The following ANKH variants were observed in gnomAD, a reference collection of about 807,000 sequenced individuals.
The protein encoded by ANKH is ANKH inorganic pyrophosphate transport regulator, also known as mineralization regulator ANKH.
In ANKH, 15 loss-of-function variants were observed where a neutral mutation model predicts 49.0. That is an observed-to-expected ratio of 0.31 (90% confidence interval 0.20 to 0.47). The LOEUF is 0.47. Ranked by LOEUF, ANKH falls within the 20% of genes least tolerant of loss-of-function variation. The probability of loss-of-function intolerance (pLI) is 1.00; values close to 1 mark genes in which losing one functional copy is unlikely to be tolerated. For missense variants in ANKH, 429 were observed against 652.0 expected, an observed-to-expected ratio of 0.66 and a Z score of 3.72; for synonymous variants, 273 against 260.0, an observed-to-expected ratio of 1.05 and a Z score of -0.48.
At chr5:14,759,099 A>G (rs1036906923) in intron 2 of ANKH, among the ~76,000 whole-genome samples, 4 of 152,220 alleles carry the variant, frequency 2.6e-5, no homozygotes, top group African/African-American at 9.6e-5. Context: ...GAAAATTTCT[A>G]GATGTTAATA....
At chr5:14,862,442 T>G (rs1735524502) in intron 1 of ANKH, among the ~76,000 whole-genome samples, 1 of 152,198 alleles carries the variant, frequency 6.6e-6, no homozygotes, top group Non-Finnish European at 1.5e-5. Flanking sequence ...CAGGGAAAAC[T>G]AATTAACCAA....
chr5:14,831,175 GGA>G (rs1026630180), intron 1 of ANKH, among the ~76,000 whole-genome samples: 7 of 152,130 alleles, frequency 4.6e-5, no homozygotes, highest in African/African-American at 1.7e-4. Context: ...AGGAGACCTT[GGA>G]GAGTGACAGG....
In ANKH at chr5:14,713,352, T is replaced by G. The variant is rs2126403873; in HGVS notation, c.1265+192A>C. On this transcript the variant is annotated intron_variant, in intron 10 of 11. Transcript: ENST00000284268. This position sits in a 1 kb window ranked among gnomAD's most constrained non-coding sequence, Gnocchi z 4.4. ...GCTATTATTCGTGTCTGGGCCTGATTTCAAAAGCACTTTTCTAAAATGGAT... is the reference window on the plus strand; with the variant it reads ...GCTATTATTCGTGTCTGGGCCTGATGTCAAAAGCACTTTTCTAAAATGGAT... Among the ~76,000 whole-genome samples the G allele has an allele frequency of 6.6e-6, 1 of 152,316 alleles. No individual in the cohort carries two copies. Among genetic ancestry groups the G allele is most frequent in the South Asian group, 2.1e-4 (1 of 4,828 alleles).
In ANKH at chr5:14,806,910, C is replaced by T. The variant is rs1740724444; in HGVS notation, c.97-37719G>A. 2.0e-5 allele frequency among the ~76,000 whole-genome samples: 3 copies of T among 152,178 alleles called. No individual in the cohort carries two copies. The South Asian group carries it at 6.2e-4, about 32-fold the overall frequency. ...TCATTTTAGGTATAAAATGAATTAT[C>T]CACATTCTGAACAATAGTAGTTGTC... On this transcript the variant is annotated intron_variant, in intron 1 of 11. Coordinates refer to ENST00000284268, the MANE Select transcript of ANKH (RefSeq NM_054027.6).
rs572157356 is a variant in ANKH, at chr5:14,716,445, T to C, written c.1141+261A>G. Among the ~76,000 whole-genome samples the C allele has an allele frequency of 2.0e-3, 308 of 152,264 alleles. 4 individuals are homozygous for C. Among genetic ancestry groups the C allele is most frequent in the Middle Eastern group, 6.8e-3 (2 of 294 alleles). On this transcript the variant is annotated intron_variant, in intron 9 of 11. Transcript: ENST00000284268. ...AGGCAGAGGTTGCAGTGAGCCGACATTGTGCTACTGCATTCCAGCCTGGGT... is the reference window on the plus strand; with the variant it reads ...AGGCAGAGGTTGCAGTGAGCCGACACTGTGCTACTGCATTCCAGCCTGGGT...
At chr5:14,843,100 TCAG>T (rs1041797129) in intron 1 of ANKH, among the ~76,000 whole-genome samples, 1 of 151,622 alleles carries the variant, frequency 6.6e-6, no homozygotes, top group Non-Finnish European at 1.5e-5. Context: ...TGCCTACAAC[TCAG>T]CAGCAGCAGC....
At chr5:14,748,920 C>T (rs533654833) in intron 6 of ANKH, among the ~76,000 whole-genome samples, 2 of 152,316 alleles carry the variant, frequency 1.3e-5, no homozygotes, top group East Asian at 1.9e-4. Context: ...TCTTTCTGTG[C>T]CTCAGTTCCT....
intron 1 of ANKH, among the ~76,000 whole-genome samples, chr5:14,850,179 G>GC (rs1742085193): frequency 6.6e-6 from 1 of 152,084 alleles, no homozygotes; most frequent in African/African-American, 2.4e-5. Flanking sequence ...GGCTAACCCT[G>GC]CCCCCCACCA....
At chr5:14,860,048 G>A (rs746115411) in intron 1 of ANKH, among the ~76,000 whole-genome samples, 5 of 152,342 alleles carry the variant, frequency 3.3e-5, no homozygotes, top group Middle Eastern at 3.4e-3. Context: ...ATCTGCCCAC[G>A]TTTAGGAGAC....
intron 1 of ANKH, among the ~76,000 whole-genome samples, chr5:14,830,539 CTG>C (rs1020576765): frequency 2.7e-5 from 3 of 109,898 alleles, no homozygotes; most frequent in African/African-American, 7.0e-5. Flanking sequence ...GTGTGTGTGT[CTG>C]TGTGTGTGTG....
chr5:14,755,798 A>G, intron 4 of ANKH, 63 bp downstream of exon 4: 2 of 1,460,398 alleles, frequency 1.4e-6, no homozygotes, highest in Non-Finnish European at 1.9e-6. Context: ...TAAATCACAC[A>G]TCAGTTACAC....
intron 1 of ANKH, among the ~76,000 whole-genome samples, chr5:14,839,726 G>A (rs980188917): frequency 3.3e-5 from 5 of 152,120 alleles, no homozygotes; most frequent in Non-Finnish European, 1.5e-5. Context: ...AAGTCCTAAT[G>A]GCACTCATTT....
At chr5:14,835,298 T>C (rs1371184638) in intron 1 of ANKH, among the ~76,000 whole-genome samples, 3 of 152,160 alleles carry the variant, frequency 2.0e-5, no homozygotes, top group African/African-American at 7.2e-5. Context: ...GTCCCTCTGG[T>C]TAGTCACAGG....
chr5:14,843,326 C>T (rs1489061099), intron 1 of ANKH, among the ~76,000 whole-genome samples: 2 of 151,906 alleles, frequency 1.3e-5, no homozygotes, highest in African/African-American at 2.4e-5. Context: ...CAGGCGTATG[C>T]CACCACACCT....
chr5:14,833,620 T>G (rs2126601523), intron 1 of ANKH, among the ~76,000 whole-genome samples: 1 of 152,272 alleles, frequency 6.6e-6, no homozygotes, highest in South Asian at 2.1e-4. Context: ...CTGCACCACC[T>G]CAAAGACAAG....
intron 1 of ANKH, among the ~76,000 whole-genome samples, chr5:14,848,731 G>A (rs993118980): frequency 6.6e-6 from 1 of 152,132 alleles, no homozygotes; most frequent in Non-Finnish European, 1.5e-5. Context: ...GTTCTCTTCC[G>A]TGACCCACGG....
chr5:14,714,007 T>C (rs1480748553), intron 9 of ANKH, among the ~76,000 whole-genome samples: 1 of 152,200 alleles, frequency 6.6e-6, no homozygotes, highest in East Asian at 1.9e-4. Context: ...ATCATCTACC[T>C]CTAGAAGAGA....
At chr5:14,806,249 CT>C (rs1165423450) in intron 1 of ANKH, among the ~76,000 whole-genome samples, 4 of 152,108 alleles carry the variant, frequency 2.6e-5, no homozygotes, top group Non-Finnish European at 4.4e-5. Flanking sequence ...GCTCTTGCCC[CT>C]CACGACCTGC....
intron 1 of ANKH, among the ~76,000 whole-genome samples, chr5:14,841,733 C>T (rs1027128965): frequency 1.3e-5 from 2 of 152,184 alleles, no homozygotes; most frequent in East Asian, 3.8e-4. Context: ...AACACTAACT[C>T]CCAATTATCT....
Sources: gnomAD v4.1 joint callset for allele counts (sites outside exome capture counted in the v4.1 genomes callset) on GRCh38, gnomAD v4.1.1 for gene constraint, Gnocchi (gnomAD v3.1) non-coding constraint, MANE v1.5 for transcripts, NCBI Gene and HGNC (gene_info 2026-07-23, HGNC 2026-07-21) for gene names.